Variants in NCBP1 observed in about 807,000 individuals in gnomAD.
NCBP1 encodes the protein nuclear cap-binding protein subunit 1.
A neutral mutation model predicts 111.7 loss-of-function variants in NCBP1; 16 were observed. That is an observed-to-expected ratio of 0.14 (90% CI 0.10 to 0.22). The LOEUF (loss-of-function observed/expected upper bound fraction) is 0.22. NCBP1 is among the 10% of genes least tolerant of loss of function. The pLI, the probability that NCBP1 is intolerant of heterozygous loss-of-function variation, is 1.00. For synonymous variants in NCBP1, 304 were observed against 314.3 expected (o/e 0.97, Z 0.35); for missense variants, 607 against 957.5 (o/e 0.63, Z 4.83).
chr9:97,651,699 G>A (rs2131344742), intron 10 of NCBP1, among the ~76,000 whole-genome samples: 1 of 152,242 alleles, frequency 6.6e-6, no homozygotes, highest in South Asian at 2.1e-4. Flanking sequence ...CTTAACAGAC[G>A]TATAAGTGAT....
rs1564033035 is a variant in NCBP1 at position 97,672,125 on chromosome 9, G to A, written c.*926G>A. Reference sequence around the variant, plus strand: ...CTACGAAGTCCTGAGCTTGTTTCCTGTATAGTACTGATGCTGAAATAAGAT... The same window carrying A: ...CTACGAAGTCCTGAGCTTGTTTCCTATATAGTACTGATGCTGAAATAAGAT... On this transcript the variant is annotated 3_prime_UTR_variant, in exon 23 of 23. Coordinates refer to ENST00000375147, the MANE Select transcript of NCBP1 (RefSeq NM_002486.5). 6.6e-6 allele frequency: 1 copy of A among 152,176 alleles called. No homozygotes were observed. Among genetic ancestry groups the A allele is most frequent in the Non-Finnish European group, 1.5e-5 (1 of 68,034 alleles). 9.4% of individuals were successfully genotyped at this position (152,176 alleles called of 1,614,324 possible).
At chr9:97,648,936 A>C (rs562393789) in intron 8 of NCBP1, among the ~76,000 whole-genome samples, 1 of 152,142 alleles carries the variant, frequency 6.6e-6, no homozygotes, top group East Asian at 1.9e-4. Context: ...TCCTGGGCTC[A>C]AGCAATTCGT....
chr9:97,654,218 A>G (rs1425944971), intron 11 of NCBP1, among the ~76,000 whole-genome samples: 1 of 152,138 alleles, frequency 6.6e-6, no homozygotes, highest in East Asian at 1.9e-4. Context: ...TTGATACAGC[A>G]TTTTACCCAC....
intron 2 of NCBP1, 100 bp downstream of exon 2, chr9:97,640,982 A>G: frequency 1.2e-6 from 1 of 850,486 alleles, no homozygotes; most frequent in East Asian, 2.7e-5. Flanking sequence ...ACATTTTGGC[A>G]AAGCTGGTAT....
Position 97,668,835 on chromosome 9 carries a change from G to A in NCBP1, c.2017-11G>A. On this transcript the variant is annotated splice_polypyrimidine_tract_variant and intron_variant, in intron 20 of 22. Coordinates refer to ENST00000375147, the MANE Select transcript of NCBP1 (RefSeq NM_002486.5). ...AATGGTATTTTCCTTTTGTTCATTTGCCTTCTATAGCGAAGTGATGATGAC... is the reference window on the plus strand; with the variant it reads ...AATGGTATTTTCCTTTTGTTCATTTACCTTCTATAGCGAAGTGATGATGAC... 6.2e-7 allele frequency: 1 copy of A among 1,606,370 alleles called. No homozygotes were observed. Among genetic ancestry groups the A allele is most frequent in the Non-Finnish European group, 8.5e-7 (1 of 1,177,376 alleles).
At chr9:97,661,732 GTTTT>G (rs34390822) in intron 16 of NCBP1, among the ~76,000 whole-genome samples, 4 of 113,074 alleles carry the variant, frequency 3.5e-5, no homozygotes, top group African/African-American at 1.2e-4. Flanking sequence ...AAGCTTAAGT[GTTTT>G]TTTTTTTTTT....
In NCBP1 at chr9:97,655,779, G is replaced by C. The variant is rs1480742237; in HGVS notation, c.1298+15G>C. 1.2e-6 allele frequency: 2 copies of C among 1,600,862 alleles called. No homozygotes were observed. Among genetic ancestry groups the C allele is most frequent in the Non-Finnish European group, 1.7e-6 (2 of 1,175,136 alleles). ...TGGGAAGATTGGTAAGTGATGGTTTGTTTTATCTTTTTCTGTAGTCAAAAA... is the reference window on the plus strand; with the variant it reads ...TGGGAAGATTGGTAAGTGATGGTTTCTTTTATCTTTTTCTGTAGTCAAAAA... On this transcript the variant is annotated intron_variant, in intron 13 of 22. Transcript: ENST00000375147.
rs906711200 is a variant in NCBP1 at position 97,648,169 on chromosome 9, G to T, written c.843G>T (p.Val281=). 1 of 1,614,086 alleles carries T rather than the reference G, an allele frequency of 6.2e-7. No homozygotes were observed. Among genetic ancestry groups the T allele is most frequent in the Non-Finnish European group, 8.5e-7 (1 of 1,179,994 alleles). The change falls in exon 8 of 23, where the codon GTG becomes GTT. Residue 281 remains valine (V), a synonymous_variant. Coordinates refer to ENST00000375147, the MANE Select transcript of NCBP1 (RefSeq NM_002486.5). ...CACCTCCTCACACTGAAGATTCAGT[G>T]TACCCAATGCCAAGGGTCATCTTCA... ...FTPPPHTEDS[V]YPMPRVIFRM...
At position 97,653,803 on chromosome 9, in the gene NCBP1, C is replaced by A; in HGVS notation, c.1065C>A (p.Ile355=). Residue 355 remains isoleucine (I), a synonymous_variant, in exon 11 of 23, where the codon ATC becomes ATA. Coordinates refer to ENST00000375147, the MANE Select transcript of NCBP1 (RefSeq NM_002486.5). The stretch of plus-strand genomic sequence containing the variant: ...GACTCATGATTCTTTTGTAGGTGAT[C>A]TTTGCAGAGCTGTTTCAACTTCCAG... ...IPLNYHIVEV[I]FAELFQLPAP... 1 of 1,612,586 alleles carries A rather than the reference C, an allele frequency of 6.2e-7. No individual in the cohort carries two copies. Among genetic ancestry groups the A allele is most frequent in the South Asian group, 1.1e-5 (1 of 90,892 alleles).
At position 97,654,933 on chromosome 9, in the gene NCBP1, C is replaced by T. The variant is rs750263253; in HGVS notation, c.1224C>T (p.Thr408=). The T allele has an allele frequency of 8.1e-6, 13 of 1,607,888 alleles. 1 individual carries two copies. Among genetic ancestry groups the T allele is most frequent in the Non-Finnish European group, 1.1e-5 (13 of 1,177,822 alleles). The change falls in exon 12 of 23, where the codon ACC becomes ACT. Residue 408 remains threonine, a synonymous_variant. Transcript: ENST00000375147. Reference sequence around the variant, plus strand: ...TGCGTTTGGACACAATGAACACTACCTGTGTAGACAGGTACAGTAATCGCT... The same window carrying T: ...TGCGTTTGGACACAATGAACACTACTTGTGTAGACAGGTACAGTAATCGCT... The part of the protein sequence containing the change: ...LYMRLDTMNT[T]CVDRFINWFS...
intron 8 of NCBP1, among the ~76,000 whole-genome samples, chr9:97,649,951 G>A (rs747556874): frequency 4.0e-5 from 6 of 151,654 alleles, no homozygotes; most frequent in Admixed American, 1.3e-4. Flanking sequence ...ATTAGAAATT[G>A]TAAAAAAAAG....
At chr9:97,636,637 CATATATATATATATATATATATATAT>C (rs377027165) in intron 1 of NCBP1, among the ~76,000 whole-genome samples, 17 of 111,272 alleles carry the variant, frequency 1.5e-4, no homozygotes, top group Admixed American at 3.9e-4. Flanking sequence ...GAAAGTAATA[CATATATATATATATATATATATATAT>C]ATATATATAT....
chr9:97,640,485 A>G (rs1269051454), intron 1 of NCBP1, among the ~76,000 whole-genome samples: 2 of 152,152 alleles, frequency 1.3e-5, no homozygotes, highest in African/African-American at 4.8e-5. Context: ...AGTGTTTAAC[A>G]TGTTGTTGGC....
chr9:97,645,492 C>T, intron 5 of NCBP1, 119 bp from the exon 6 acceptor site: 1 of 1,073,514 alleles, frequency 9.3e-7, no homozygotes, highest in Admixed American at 2.4e-5. Flanking sequence ...CTGTATAAAC[C>T]AGATGTCTTA....
chr9:97,635,596 A>AT (rs1427919509), intron 1 of NCBP1, among the ~76,000 whole-genome samples: 77 of 150,718 alleles, frequency 5.1e-4, no homozygotes, highest in East Asian at 3.9e-4. Context: ...TTGTTTTTGT[A>AT]TTTTTTGTAG....
chr9:97,645,316 TA>T, intron 5 of NCBP1, 92 bp downstream of exon 5: 1 of 1,022,072 alleles, frequency 9.8e-7, no homozygotes, highest in East Asian at 2.4e-5. Context: ...TTTTCGCTGA[TA>T]ACCCATTAGC....
At chr9:97,639,260 A>C (rs1587994898) in intron 1 of NCBP1, among the ~76,000 whole-genome samples, 1 of 152,316 alleles carries the variant, frequency 6.6e-6, no homozygotes, top group Admixed American at 6.5e-5. Flanking sequence ...TGACGTACAG[A>C]GTGTCTTACC....
intron 21 of NCBP1, among the ~76,000 whole-genome samples, 159 bp downstream of exon 21, chr9:97,669,133 CAG>C (rs1564031156): frequency 6.6e-6 from 1 of 151,992 alleles, no homozygotes; most frequent in East Asian, 1.9e-4. Flanking sequence ...GTTCACTACT[CAG>C]AGGCAACCAT....
At chr9:97,644,283 C>T (rs552346438) in intron 4 of NCBP1, among the ~76,000 whole-genome samples, 1 of 152,278 alleles carries the variant, frequency 6.6e-6, no homozygotes, top group Admixed American at 6.5e-5. Flanking sequence ...GTCTGTTTCT[C>T]TATTCTTGTC....
Sources: allele counts gnomAD v4.1 joint callset (sites outside exome capture counted in the v4.1 genomes callset), GRCh38; gene constraint gnomAD v4.1.1; transcripts MANE v1.5; gene names NCBI Gene and HGNC (gene_info 2026-07-23, HGNC 2026-07-21).